The following SNAP25 variants were observed in gnomAD, a reference collection of about 807,000 sequenced individuals.
SNAP25 encodes synaptosome associated protein 25.
Under a neutral mutation model 28.7 loss-of-function variants are expected in SNAP25, and 3 were observed. The observed-to-expected ratio is 0.10, with a 90% CI of 0.05 to 0.27. The LOEUF is 0.27. Among genes scored for constraint, SNAP25 ranks in the 10% least tolerant of loss-of-function variants. The pLI is 1.00. For missense variants in SNAP25, 117 were observed against 278.7 expected, an observed-to-expected ratio of 0.42 and a Z score of 4.13; for synonymous variants, 61 against 88.1, an observed-to-expected ratio of 0.69 and a Z score of 1.72.
At chr20:10,284,654 T>C (rs2063841462) in intron 3 of SNAP25, 70 bp from the exon 4 acceptor site, 2 of 1,216,124 alleles carry the variant, frequency 1.6e-6, no homozygotes, top group Non-Finnish European at 2.4e-6. Flanking sequence ...ATTGTCCCCT[T>C]ACTGATTTCT....
chr20:10,227,933 C>T (rs571837706), intron 1 of SNAP25, among the ~76,000 whole-genome samples: 1 of 152,182 alleles, frequency 6.6e-6, no homozygotes, highest in South Asian at 2.1e-4. Flanking sequence ...ATGGTGGACA[C>T]AAGTTTTTCA....
Position 10,293,382 on chromosome 20 carries a change from A to G in SNAP25, c.281+104A>G. ...CTCATAGGCAGGATGAGCATGTGGC[A>G]TGCAGAACAGATCAATACCGTCTCC... On this transcript the variant is annotated intron_variant, in intron 5 of 7. Coordinates refer to ENST00000254976, the MANE Select transcript of SNAP25 (RefSeq NM_130811.4). The surrounding 1 kb of genome is among the most constrained non-coding windows in gnomAD (Gnocchi z 5.6). 1 of 816,960 alleles carries G rather than the reference A, an allele frequency of 1.2e-6. No homozygotes were observed. The highest frequency in any genetic ancestry group is 2.1e-6 in the Non-Finnish European group (1 of 476,784). The allele number at this position is 816,960 out of a possible 1,614,324, so 50.6% of individuals were successfully genotyped here.
intron 1 of SNAP25, among the ~76,000 whole-genome samples, chr20:10,268,387 T>C (rs917536328): frequency 6.6e-6 from 1 of 152,104 alleles, no homozygotes; most frequent in African/African-American, 2.4e-5. Flanking sequence ...CTGATGGGTG[T>C]TGATTTATAC....
chr20:10,282,241 G>A (rs935699606), intron 3 of SNAP25, among the ~76,000 whole-genome samples: 1 of 151,614 alleles, frequency 6.6e-6, no homozygotes, highest in African/African-American at 2.4e-5. Context: ...AAGGAAGGAA[G>A]GAAAGTAAAA....
At chr20:10,240,822 C>T (rs542149948) in intron 1 of SNAP25, among the ~76,000 whole-genome samples, 6 of 152,314 alleles carry the variant, frequency 3.9e-5, no homozygotes, top group East Asian at 3.9e-4. Context: ...AGGCTAGGCT[C>T]GCAGAGCCCT....
intron 7 of SNAP25, among the ~76,000 whole-genome samples, chr20:10,302,970 T>C (rs1475933774): frequency 6.6e-6 from 1 of 152,142 alleles, no homozygotes; most frequent in African/African-American, 2.4e-5. Flanking sequence ...CAGAGTAACC[T>C]CATGCTCTAC....
At chr20:10,241,035 C>A (rs1366634614) in intron 1 of SNAP25, among the ~76,000 whole-genome samples, 1 of 152,186 alleles carries the variant, frequency 6.6e-6, no homozygotes, top group Non-Finnish European at 1.5e-5. Context: ...TGCTGCGCTT[C>A]CATGGAGCTG....
intron 1 of SNAP25, among the ~76,000 whole-genome samples, chr20:10,220,106 A>T (rs1283950803): frequency 1.3e-5 from 2 of 152,174 alleles, no homozygotes; most frequent in African/African-American, 4.8e-5. Context: ...TGTATATATG[A>T]AGAAGCCAAT....
At chr20:10,236,448 A>G (rs62185225) in intron 1 of SNAP25, among the ~76,000 whole-genome samples, 442 of 152,232 alleles carry the variant, frequency 2.9e-3, no homozygotes, top group Non-Finnish European at 5.0e-3. Flanking sequence ...ATGTTGCTTT[A>G]TCTGTAATTT....
intron 4 of SNAP25, among the ~76,000 whole-genome samples, chr20:10,288,294 A>G (rs1311259651): frequency 6.6e-6 from 1 of 152,162 alleles, no homozygotes; most frequent in Non-Finnish European, 1.5e-5. Flanking sequence ...ATTACAATGG[A>G]GGGTAGACTT....
chr20:10,220,542 G>A (rs1209946381), intron 1 of SNAP25, among the ~76,000 whole-genome samples: 1 of 152,132 alleles, frequency 6.6e-6, no homozygotes, highest in African/African-American at 2.4e-5. Flanking sequence ...ATGGCACTGC[G>A]GGATTTTGCT....
intron 7 of SNAP25, among the ~76,000 whole-genome samples, chr20:10,300,466 G>C (rs550267189): frequency 2.0e-5 from 3 of 152,294 alleles, no homozygotes; most frequent in South Asian, 4.2e-4. Context: ...TATGTTGTGT[G>C]TTTATTCCCT....
At chr20:10,286,371 G>A (rs1398022228) in intron 4 of SNAP25, among the ~76,000 whole-genome samples, 1 of 152,122 alleles carries the variant, frequency 6.6e-6, no homozygotes. Context: ...ATAGGTCAAG[G>A]GGAGAGCTGC....
At chr20:10,276,279 A>G (rs1301657822) in intron 2 of SNAP25, among the ~76,000 whole-genome samples, 3 of 152,210 alleles carry the variant, frequency 2.0e-5, no homozygotes, top group African/African-American at 4.8e-5. Flanking sequence ...AGAGACTCCC[A>G]TCTCTAAAAA....
chr20:10,224,257 CTTTTTTTTTTTTTTTTTTTTTTT>C (rs71332917), intron 1 of SNAP25, among the ~76,000 whole-genome samples: 5 of 17,432 alleles, frequency 2.9e-4, no homozygotes, highest in South Asian at 8.5e-3. Context: ...ATGTACATGT[CTTTTTTTTTTTTTTTTTTTTTTT>C]TTTTTTTTTT....
intron 1 of SNAP25, among the ~76,000 whole-genome samples, chr20:10,240,971 G>A (rs1045096795): frequency 6.6e-6 from 1 of 152,186 alleles, no homozygotes; most frequent in Non-Finnish European, 1.5e-5. Flanking sequence ...GACATGAGCT[G>A]GAGAAAAGCC....
In SNAP25 at chr20:10,244,874, G is replaced by T. The variant is rs567331324; in HGVS notation, c.-64+25897G>T. 6.6e-5 allele frequency among the ~76,000 whole-genome samples: 10 copies of T among 152,008 alleles called. No individual in the cohort carries two copies. In the East Asian group the frequency reaches 1.7e-3, roughly 27 times the overall value. On this transcript the variant is annotated intron_variant, in intron 1 of 7. Coordinates refer to ENST00000254976, the MANE Select transcript of SNAP25 (RefSeq NM_130811.4). The stretch of plus-strand genomic sequence containing the variant: ...GCCTCATGAGTAGCTGGGATTACAG[G>T]CACGCGCCACCAAGCCCAGGTAATT...
intron 3 of SNAP25, among the ~76,000 whole-genome samples, chr20:10,284,445 A>G (rs187847016): frequency 1.6e-4 from 25 of 152,288 alleles, no homozygotes; most frequent in African/African-American, 5.5e-4. Context: ...AAGTATGTGT[A>G]TTCTGATTTC....
At chr20:10,233,964 G>A (rs2062872369) in intron 1 of SNAP25, among the ~76,000 whole-genome samples, 1 of 152,134 alleles carries the variant, frequency 6.6e-6, no homozygotes, top group African/African-American at 2.4e-5. Context: ...TTGGCCCAAT[G>A]GATCACAGTT....
Sources: gnomAD v4.1 joint callset for allele counts (sites outside exome capture counted in the v4.1 genomes callset) on GRCh38, gnomAD v4.1.1 for gene constraint, Gnocchi (gnomAD v3.1) non-coding constraint, MANE v1.5 for transcripts, NCBI Gene and HGNC (gene_info 2026-07-23, HGNC 2026-07-21) for gene names.